The following HGD variants were observed in gnomAD, a reference collection of about 807,000 sequenced individuals.
HGD encodes the protein homogentisate 1,2-dioxygenase.
HGD carries 61 observed loss-of-function variants against 60.8 expected under a neutral mutation model. The observed-to-expected ratio is 1.00, with a 90% confidence interval of 0.82 to 1.24. The LOEUF (loss-of-function observed/expected upper bound fraction) is 1.24, where lower values mean the gene tolerates loss of function less well. HGD is among the 50% of genes most tolerant of loss of function. The pLI, the probability that HGD is intolerant of heterozygous loss-of-function variation, is 0.00. For missense variants in HGD, 542 were observed against 547.1 expected, an observed-to-expected ratio of 0.99 and a Z score of 0.09; for synonymous variants, 212 against 187.7, an observed-to-expected ratio of 1.13 and a Z score of -1.06.
At chr3:120,666,938 T>C (rs1162266399) in intron 4 of HGD, among the ~76,000 whole-genome samples, 1 of 152,226 alleles carries the variant, frequency 6.6e-6, no homozygotes, top group Non-Finnish European at 1.5e-5. Flanking sequence ...CTTATATACT[T>C]GACTCTCACT....
At chr3:120,644,959 G>A (rs1029804868) in intron 9 of HGD, among the ~76,000 whole-genome samples, 10 of 152,212 alleles carry the variant, frequency 6.6e-5, no homozygotes, top group Non-Finnish European at 1.2e-4. Context: ...CTGCCACTCA[G>A]GAAGAAGTAT....
chr3:120,658,479 C>T (rs1308754210), intron 4 of HGD, among the ~76,000 whole-genome samples: 1 of 152,238 alleles, frequency 6.6e-6, no homozygotes, highest in African/African-American at 2.4e-5. Flanking sequence ...GTCAGCCCCA[C>T]TCAGGTGGCT....
chr3:120,640,224 C>T (rs572838423), intron 11 of HGD, among the ~76,000 whole-genome samples: 11 of 73,866 alleles, frequency 1.5e-4, no homozygotes, highest in African/African-American at 2.1e-4. Flanking sequence ...AAAGGAAGGA[C>T]GTGGCGGGGA....
intron 3 of HGD, among the ~76,000 whole-genome samples, chr3:120,673,025 T>C (rs1282513665): frequency 2.0e-5 from 3 of 152,170 alleles, no homozygotes; most frequent in African/African-American, 7.2e-5. Flanking sequence ...CTGTATGCTA[T>C]GGTTCAGATG....
chr3:120,649,695 G>A (rs1161181915), intron 6 of HGD, among the ~76,000 whole-genome samples: 1 of 152,214 alleles, frequency 6.6e-6, no homozygotes, highest in African/African-American at 2.4e-5. Context: ...TAGGGGCTGA[G>A]TTGCAGTGTC....
chr3:120,660,298 G>A (rs1038853456), intron 4 of HGD, among the ~76,000 whole-genome samples: 9 of 152,352 alleles, frequency 5.9e-5, no homozygotes, highest in South Asian at 2.1e-4. Context: ...TTAGCAGAGA[G>A]ATCCAGGGTA....
intron 4 of HGD, among the ~76,000 whole-genome samples, chr3:120,656,567 G>T (rs1216044503): frequency 6.6e-6 from 1 of 151,144 alleles, no homozygotes; most frequent in African/African-American, 2.4e-5. Flanking sequence ...TTTTTTTGGG[G>T]GGGGGTTGGA....
intron 4 of HGD, among the ~76,000 whole-genome samples, chr3:120,657,820 A>C (rs1243069129): frequency 1.8e-4 from 1 of 5,618 alleles, no homozygotes; most frequent in East Asian, 0.12. Context: ...AACAGGAGTG[A>C]GAGAGAGAGA....
rs759824026 is a variant in HGD, at chr3:120,650,835, T to C, written c.373A>G (p.Ile125Val). ...GLHTLCGAGD[I>V]KSNNGLAIHI... ...ATAGCAAGCCCATTGTTAGACTTTA[T>C]GTCTCCAGCTCCACACAAGGTATGC... Residue 125 changes from isoleucine (I) to valine (V), a missense_variant, in exon 6 of 14, where the codon ATA becomes GTA. Transcript: ENST00000283871. 9 of 1,614,082 alleles carry C rather than the reference T, an allele frequency of 5.6e-6. No individual in the cohort carries two copies. The Admixed American group carries it at 1.3e-4, about 24-fold the overall frequency.
intron 3 of HGD, among the ~76,000 whole-genome samples, chr3:120,671,215 C>T (rs1708018605): frequency 6.6e-6 from 1 of 152,118 alleles, no homozygotes; most frequent in South Asian, 2.1e-4. Flanking sequence ...ATCATTTTAA[C>T]TCTTTATTAT....
chr3:120,647,968 T>C, intron 6 of HGD, 57 bp from the exon 7 acceptor site: 3 of 1,350,086 alleles, frequency 2.2e-6, no homozygotes, highest in African/African-American at 1.4e-5. Context: ...CTAGACAAAT[T>C]ACGTCATAAC....
rs1161449004 is a variant in HGD at position 120,633,130 on chromosome 3, G to T, written c.1188+17C>A. 1 of 1,612,846 alleles carries T rather than the reference G, an allele frequency of 6.2e-7. No individual in the cohort carries two copies. The highest frequency in any genetic ancestry group is 1.3e-5 in the African/African-American group (1 of 74,884). On this transcript the variant is annotated intron_variant, in intron 13 of 13. Coordinates refer to ENST00000283871, the MANE Select transcript of HGD (RefSeq NM_000187.4). ...GGAGTTCAGAGGCCGCTGGAATGTG[G>T]CAGTTAACATACTTACCATGGTGCC...
At chr3:120,644,958 A>T (rs757621852) in intron 9 of HGD, among the ~76,000 whole-genome samples, 1 of 152,228 alleles carries the variant, frequency 6.6e-6, no homozygotes, top group Non-Finnish European at 1.5e-5. Flanking sequence ...TCTGCCACTC[A>T]GGAAGAAGTA....
chr3:120,637,615 TCTCTGTCTCTC>T (rs1940825413), intron 12 of HGD, among the ~76,000 whole-genome samples: 1 of 149,462 alleles, frequency 6.7e-6, no homozygotes, highest in African/African-American at 2.6e-5. Flanking sequence ...TCTGTCTCTC[TCTCTGTCTCTC>T]TCTGTCTCTC....
intron 9 of HGD, among the ~76,000 whole-genome samples, chr3:120,645,750 A>AT (rs1941137038): frequency 6.6e-6 from 1 of 152,066 alleles, no homozygotes; most frequent in Non-Finnish European, 1.5e-5. Context: ...TGGCCTTCCC[A>AT]TTTTATACAA....
rs371878850 is a variant in HGD, at chr3:120,682,167, A to C, written c.-56T>G. 86 of 1,550,360 alleles carry C rather than the reference A, an allele frequency of 5.5e-5. No individual in the cohort carries two copies. Among genetic ancestry groups the C allele is most frequent in the Non-Finnish European group, 7.3e-5 (82 of 1,122,116 alleles). ...GGAAACCCAGGCCCAGAGGATATAA[A>C]GCCACAATGCTTCTTTCTCCTTCAA... On this transcript the variant is annotated 5_prime_UTR_variant, in exon 1 of 14. Coordinates refer to ENST00000283871, the MANE Select transcript of HGD (RefSeq NM_000187.4).
chr3:120,673,283 C>G (rs1299235430), intron 3 of HGD, among the ~76,000 whole-genome samples: 1 of 152,194 alleles, frequency 6.6e-6, no homozygotes, highest in Non-Finnish European at 1.5e-5. Flanking sequence ...GTGCCAGCTT[C>G]TTAATGAAAT....
chr3:120,668,022 C>A (rs1295680801), intron 4 of HGD, among the ~76,000 whole-genome samples: 1 of 152,042 alleles, frequency 6.6e-6, no homozygotes, highest in Non-Finnish European at 1.5e-5. Flanking sequence ...AGCTGAATGC[C>A]TCGTCTGTGT....
At chr3:120,676,000 G>A in intron 1 of HGD, 137 bp from the exon 2 acceptor site, 1 of 736,414 alleles carries the variant, frequency 1.4e-6, no homozygotes, top group Non-Finnish European at 2.5e-6. Context: ...TATCTTTACT[G>A]TGTCTTGACA....
Sources: allele counts gnomAD v4.1 joint callset (sites outside exome capture counted in the v4.1 genomes callset), GRCh38; gene constraint gnomAD v4.1.1; transcripts MANE v1.5; gene names NCBI Gene and HGNC (gene_info 2026-07-23, HGNC 2026-07-21).